The following SRR variants were observed in gnomAD, a reference collection of about 807,000 sequenced individuals.
The protein encoded by SRR is serine racemase.
A neutral mutation model predicts 32.7 loss-of-function variants in SRR; 19 were observed. The ratio of observed to expected loss-of-function variants is 0.58; its 90% confidence interval spans 0.40 to 0.85. SRR has a LOEUF of 0.85. Among genes scored for constraint, SRR ranks in the 40% least tolerant of loss-of-function variants. SRR has a pLI of 0.00. For missense variants in SRR, 373 were observed against 404.7 expected (o/e 0.92, Z 0.67); for synonymous variants, 142 against 140.9 (o/e 1.01, Z -0.06).
At chr17:2,303,477 G>A, upstream of SRR, 3 of 1,327,346 alleles carry the variant, frequency 2.3e-6, no homozygotes, top group East Asian at 3.1e-5. Flanking sequence ...CCGCGAGAGA[G>A]GTAGGGCAGC....
chr17:2,307,453 T>C (rs1314731489), intron 1 of SRR: 29 of 1,429,924 alleles, frequency 2.0e-5, no homozygotes, highest in Admixed American at 1.2e-4. Flanking sequence ...TGGTGGCAGC[T>C]GTGGTGGTGG....
intron 1 of SRR, chr17:2,306,878 T>A (rs2075394951): frequency 1.1e-6 from 1 of 904,248 alleles, no homozygotes; most frequent in Non-Finnish European, 1.8e-6. Context: ...TGGGGAACAC[T>A]CGCGGACTGT....
chr17:2,323,238 C>T lies in SRR; in HGVS notation c.697C>T (p.Pro233Ser). Reference sequence around the variant, plus strand: ...GAAACTGATGCCCAATCTTTATCCTCCAGAAACCATAGCAGATGGTGTCAA... The same window carrying T: ...GAAACTGATGCCCAATCTTTATCCTTCAGAAACCATAGCAGATGGTGTCAA... ...KGKLMPNLYP[P>S]ETIADGVKSS... Residue 233 changes from proline to serine, a missense_variant, in exon 7 of 8, where the codon CCA (proline) becomes TCA (serine). Pro to Ser is a moderately conservative substitution (Grantham distance 74). Transcript: ENST00000344595. 6.2e-7 allele frequency: 1 copy of T among 1,614,212 alleles called. No individual in the cohort carries two copies. The highest frequency in any genetic ancestry group is 2.2e-5 in the East Asian group (1 of 44,876).
chr17:2,307,557 A>C (rs1361419511), intron 1 of SRR: 16 of 1,124,148 alleles, frequency 1.4e-5, no homozygotes, highest in South Asian at 1.4e-4. Context: ...CAATTACAAC[A>C]ATTAGTCTTC....
chr17:2,308,780 C>T (rs2075412659), intron 1 of SRR, among the ~76,000 whole-genome samples: 1 of 151,856 alleles, frequency 6.6e-6, no homozygotes, highest in Non-Finnish European at 1.5e-5. Flanking sequence ...AAGATCGCAC[C>T]ACTGCACTCC....
At chr17:2,303,416 C>T, upstream of SRR, 1 of 1,256,964 alleles carries the variant, frequency 8.0e-7, no homozygotes, top group Non-Finnish European at 1.0e-6. Flanking sequence ...GAATTCGGGC[C>T]AGGCTCTCCC....
Position 2,324,399 on chromosome 17 carries a change from G to A in SRR, c.*526G>A, listed in dbSNP as rs775271993. On this transcript the variant is annotated 3_prime_UTR_variant, in exon 8 of 8. Transcript: ENST00000344595. Reference sequence around the variant, plus strand: ...CCTAGAAAGACATCAGAACAAGTCGGTCAAATTAAAAGTAGAAAATTTTAA... The same window carrying A: ...CCTAGAAAGACATCAGAACAAGTCGATCAAATTAAAAGTAGAAAATTTTAA... 5.0e-6 allele frequency: 8 copies of A among 1,594,686 alleles called. No homozygotes were observed. In the East Asian group the frequency reaches 1.6e-4, roughly 31 times the overall value.
intron 1 of SRR, among the ~76,000 whole-genome samples, chr17:2,310,547 C>T (rs922211013): frequency 1.3e-5 from 2 of 151,778 alleles, no homozygotes; most frequent in Non-Finnish European, 2.9e-5. Context: ...AATATTGAGA[C>T]TTCAGGCCTG....
rs2075491325 is a variant in SRR at position 2,317,976 on chromosome 17, C to T, written c.275C>T (p.Thr92Ile). Residue 92 changes from threonine (T) to isoleucine (I), a missense_variant, in exon 3 of 8, where the codon ACC (threonine) becomes ATC (isoleucine). Coordinates refer to ENST00000344595, the MANE Select transcript of SRR (RefSeq NM_021947.3). ...HSSGNHGQAL[T>I]YAAKLEGIPA... Reference sequence around the variant, plus strand: ...AGTGGAAACCATGGCCAGGCTCTCACCTATGCTGCCAAATTGGAAGGTACT... The same window carrying T: ...AGTGGAAACCATGGCCAGGCTCTCATCTATGCTGCCAAATTGGAAGGTACT... 1.9e-6 allele frequency: 3 copies of T among 1,613,164 alleles called. No homozygotes were observed. Among genetic ancestry groups the T allele is most frequent in the Non-Finnish European group, 2.5e-6 (3 of 1,179,512 alleles).
intron 3 of SRR, among the ~76,000 whole-genome samples, chr17:2,318,413 G>A (rs2075495686): frequency 6.6e-6 from 1 of 150,478 alleles, no homozygotes; most frequent in Non-Finnish European, 1.5e-5. Context: ...GCCTCCCAAA[G>A]TCCTAGGATT....
Position 2,324,500 on chromosome 17 carries a change from T to C in SRR, c.*627T>C, listed in dbSNP as rs1271687161. 1 of 1,614,236 alleles carries C rather than the reference T, an allele frequency of 6.2e-7. No homozygotes were observed. Among genetic ancestry groups the C allele is most frequent in the Admixed American group, 1.7e-5 (1 of 60,026 alleles). ...ACATGGTCTCAAATCCCGTGTTTCCTTACCTAAAGGTTCCTTGATATGTCC... is the reference window on the plus strand; with the variant it reads ...ACATGGTCTCAAATCCCGTGTTTCCCTACCTAAAGGTTCCTTGATATGTCC... On this transcript the variant is annotated 3_prime_UTR_variant, in exon 8 of 8. Coordinates refer to ENST00000344595, the MANE Select transcript of SRR (RefSeq NM_021947.3).
chr17:2,307,260 C>T, intron 1 of SRR: 1 of 1,188,650 alleles, frequency 8.4e-7, no homozygotes, highest in Non-Finnish European at 1.2e-6. Context: ...TTCAGAAATA[C>T]CATACTGTGA....
At chr17:2,323,554 G>A (rs940408099) in intron 7 of SRR, 101 bp from the exon 8 acceptor site, 1 of 1,317,956 alleles carries the variant, frequency 7.6e-7, no homozygotes, top group Non-Finnish European at 1.1e-6. Context: ...TGTACACAGT[G>A]ATAAGAAAAT....
At chr17:2,319,843 G>C (rs1010413292) in intron 4 of SRR, among the ~76,000 whole-genome samples, 1 of 148,424 alleles carries the variant, frequency 6.7e-6, no homozygotes, top group Non-Finnish European at 1.5e-5. Context: ...TTTTGAGGCG[G>C]AGTCTTGCTC....
rs1373981740 is a variant in SRR at position 2,321,644 on chromosome 17, T to C, written c.594+28T>C. ...GAGCAGCTTCTGGAGGATTCCCTGC[T>C]TCAAGCAGAGGATTTACTTTACATC... On this transcript the variant is annotated intron_variant, in intron 6 of 7. Transcript: ENST00000344595. 3.1e-6 allele frequency: 5 copies of C among 1,605,354 alleles called. No homozygotes were observed. In the Admixed American group the frequency reaches 5.0e-5, roughly 16 times the overall value.
intron 2 of SRR, among the ~76,000 whole-genome samples, chr17:2,316,414 C>G (rs1054533159): frequency 1.3e-5 from 2 of 152,168 alleles, no homozygotes; most frequent in Non-Finnish European, 2.9e-5. Flanking sequence ...AAGAAGCAAC[C>G]TGAAATATCT....
rs1475151533 is a variant in SRR, at chr17:2,323,350, G to C, written c.804+5G>C. The C allele has an allele frequency of 6.2e-7, 1 of 1,613,814 alleles. No homozygotes were observed. The highest frequency in any genetic ancestry group is 2.2e-5 in the East Asian group (1 of 44,870). On this transcript the variant is annotated splice_donor_5th_base_variant and intron_variant, in intron 7 of 7. Transcript: ENST00000344595. Reference sequence around the variant, plus strand: ...GTCACAGAGGATGAAATTAAGGTGAGGCTCCAGCAAGAAAAGAAATAGCAA... The same window carrying C: ...GTCACAGAGGATGAAATTAAGGTGACGCTCCAGCAAGAAAAGAAATAGCAA...
Position 2,317,924 on chromosome 17 carries a change from A to C in SRR, c.223A>C (p.Lys75Gln), listed in dbSNP as rs200557529. The C allele has an allele frequency of 1.2e-6, 2 of 1,613,976 alleles. No homozygotes were observed. Among genetic ancestry groups the C allele is most frequent in the African/African-American group, 2.7e-5 (2 of 75,002 alleles). ...RSLVPDALER[K>Q]PKAVVTHSSG... Reference sequence around the variant, plus strand: ...CTTGGTTCCTGATGCTTTAGAAAGGAAGCCGAAAGCTGTTGTTACTCACAG... The same window carrying C: ...CTTGGTTCCTGATGCTTTAGAAAGGCAGCCGAAAGCTGTTGTTACTCACAG... The change falls in exon 3 of 8, where the codon AAG becomes CAG. Residue 75 changes from lysine (K) to glutamine (Q), a missense_variant. Physicochemically the swap from Lys to Gln is moderately conservative, Grantham distance 53 (BLOSUM62 1). Transcript: ENST00000344595.
In SRR at chr17:2,324,358, C is replaced by T. The variant is rs1567781254; in HGVS notation, c.*485C>T. 1 of 1,565,094 alleles carries T rather than the reference C, an allele frequency of 6.4e-7. No individual in the cohort carries two copies. The highest frequency in any genetic ancestry group is 1.9e-5 in the Admixed American group (1 of 51,544). Reference sequence around the variant, plus strand: ...TTAGCTTCCCATCAAAGCTGCATTTCATGTGGCCATGGGTACCTAGAAAGA... The same window carrying T: ...TTAGCTTCCCATCAAAGCTGCATTTTATGTGGCCATGGGTACCTAGAAAGA... On this transcript the variant is annotated 3_prime_UTR_variant, in exon 8 of 8. Transcript: ENST00000344595.
Sources: allele counts gnomAD v4.1 joint callset (sites outside exome capture counted in the v4.1 genomes callset), GRCh38; gene constraint gnomAD v4.1.1; transcripts MANE v1.5; gene names NCBI Gene and HGNC (gene_info 2026-07-23, HGNC 2026-07-21).